CD40: variants seen among roughly 807,000 people sequenced by gnomAD.
CD40 encodes the protein tumor necrosis factor receptor superfamily member 5.
A neutral mutation model predicts 38.5 loss-of-function variants in CD40; 19 were observed. The observed-to-expected ratio is 0.49, with a 90% confidence interval of 0.34 to 0.72. The LOEUF (loss-of-function observed/expected upper bound fraction) is 0.72, where lower values mean the gene tolerates loss of function less well. Ranked by LOEUF, CD40 falls within the 30% of genes least tolerant of loss-of-function variation. CD40 has a pLI of 0.01. For missense variants in CD40, 256 were observed against 344.1 expected (o/e 0.74, Z 2.03); for synonymous variants, 130 against 128.7 (o/e 1.01, Z -0.07).
chr20:46,128,150 G>A lies in CD40; in HGVS notation c.572G>A (p.Arg191Gln), dbSNP rs781521147. The A allele has an allele frequency of 2.5e-6, 4 of 1,613,830 alleles. No homozygotes were observed. Among genetic ancestry groups the A allele is most frequent in the Non-Finnish European group, 1.7e-6 (2 of 1,179,904 alleles). Residue 191 changes from arginine to glutamine, a missense_variant, in exon 7 of 9, where the codon CGG becomes CAG. By Grantham distance (43) the Arg-to-Gln change is conservative (BLOSUM62 1). Transcript: ENST00000372285. ...KTDVVCGPQD[R>Q]LRALVVIPII... Reference sequence around the variant, plus strand: ...CTGATTTCTCCAGGTCCCCAGGATCGGCTGAGAGCCCTGGTGGTGATCCCC... The same window carrying A: ...CTGATTTCTCCAGGTCCCCAGGATCAGCTGAGAGCCCTGGTGGTGATCCCC...
intron 5 of CD40, 32 bp from the exon 6 acceptor site, chr20:46,126,608 G>T: frequency 6.2e-7 from 1 of 1,613,776 alleles, no homozygotes; most frequent in Non-Finnish European, 8.5e-7. Flanking sequence ...CTTTCTCTGT[G>T]TGTGTGCATT....
rs4813000 is a variant in CD40, at chr20:46,128,269, A to C, written c.646+45A>C. 16,730 of 1,586,572 alleles carry C rather than the reference A, an allele frequency of 0.011. 518 individuals carry two copies. In the Admixed American group the frequency reaches 0.12, roughly 11 times the overall value. The stretch of plus-strand genomic sequence containing the variant: ...GGTGTTGGGGGAGGGAGGGGAGACC[A>C]CCTGTTTCTTATCTGGCCTCTCCAA... On this transcript the variant is annotated intron_variant, in intron 7 of 8. Coordinates refer to ENST00000372285, the MANE Select transcript of CD40 (RefSeq NM_001250.6).
At chr20:46,118,474 G>T in intron 1 of CD40, 80 bp downstream of exon 1, 1 of 1,295,740 alleles carries the variant, frequency 7.7e-7, no homozygotes, top group South Asian at 1.2e-5. Flanking sequence ...TCGGGGAAGA[G>T]GCCTTCCTGG....
At position 46,128,071 on chromosome 20, in the gene CD40, C is replaced by A. The variant is rs552221532; in HGVS notation, c.560-67C>A. Reference sequence around the variant, plus strand: ...TGGAAGATTCTGGAGTCTGACAAGTCACAGCAGGTTGAGGGTAGGGAGAAA... The same window carrying A: ...TGGAAGATTCTGGAGTCTGACAAGTAACAGCAGGTTGAGGGTAGGGAGAAA... On this transcript the variant is annotated intron_variant, in intron 6 of 8. Coordinates refer to ENST00000372285, the MANE Select transcript of CD40 (RefSeq NM_001250.6). The A allele has an allele frequency of 1.9e-5, 31 of 1,613,630 alleles. No individual in the cohort carries two copies. In the African/African-American group the frequency reaches 3.7e-4, roughly 19 times the overall value.
intron 1 of CD40, among the ~76,000 whole-genome samples, chr20:46,119,610 A>C (rs2085279026): frequency 6.6e-6 from 1 of 152,172 alleles, no homozygotes; most frequent in Non-Finnish European, 1.5e-5. Flanking sequence ...CTGGGCTGTG[A>C]CAACAATGTC....
chr20:46,121,066 AAAAAT>A (rs2085308509), intron 1 of CD40, among the ~76,000 whole-genome samples: 1 of 152,258 alleles, frequency 6.6e-6, no homozygotes, highest in Admixed American at 6.5e-5. Flanking sequence ...CTCTGTCTCA[AAAAAT>A]AAAATAAAAG....
At chr20:46,128,737 C>A in intron 8 of CD40, 145 bp from the exon 9 acceptor site, 1 of 825,680 alleles carries the variant, frequency 1.2e-6, no homozygotes, top group Non-Finnish European at 2.0e-6. Context: ...CAGCAGGGGG[C>A]AGGAGGCACC....
In CD40 at chr20:46,122,444, T is replaced by A. The variant is rs1182133417; in HGVS notation, c.256+86T>A. ...CCATTCTAATTTTATGTAGCCAGGG[T>A]CTGCTCTGATTGGTTGGAGTCCGGG... On this transcript the variant is annotated intron_variant, in intron 3 of 8. Transcript: ENST00000372285. The surrounding 1 kb of genome is among the most constrained non-coding windows in gnomAD (Gnocchi z 5.0). 9 of 1,596,556 alleles carry A rather than the reference T, an allele frequency of 5.6e-6. No homozygotes were observed. The South Asian group carries it at 9.9e-5, about 18-fold the overall frequency.
intron 1 of CD40, among the ~76,000 whole-genome samples, chr20:46,120,125 C>T (rs1022891302): frequency 5.3e-5 from 8 of 152,112 alleles, no homozygotes; most frequent in South Asian, 2.1e-4. Flanking sequence ...GAATGAGAGC[C>T]ACCAGTTAGG....
Position 46,129,128 on chromosome 20 carries a change from G to T in CD40, c.*88G>T. ...GCTGCTGCTGCTGTGGCGTGAGGGT[G>T]AGGGGCTGGCACTGACTGGGCATAG... On this transcript the variant is annotated 3_prime_UTR_variant, in exon 9 of 9. Coordinates refer to ENST00000372285, the MANE Select transcript of CD40 (RefSeq NM_001250.6). 6.7e-7 allele frequency: 1 copy of T among 1,488,912 alleles called. No homozygotes were observed. 92.2% of individuals were successfully genotyped at this position (1,488,912 alleles called of 1,614,324 possible). A position where few individuals can be genotyped will look rare whatever the true frequency, so the allele number is the denominator to read the frequency against.
At position 46,123,179 on chromosome 20, in the gene CD40, A is replaced by G. The variant is rs2085353847; in HGVS notation, c.457A>G (p.Asn153Asp). ...CEPCPVGFFS[N>D]VSSAFEKCHP... ...GCCCTGCCCAGTCGGCTTCTTCTCCAATGTGTCATCTGCTTTCGAAAAATG... is the reference window on the plus strand; with the variant it reads ...GCCCTGCCCAGTCGGCTTCTTCTCCGATGTGTCATCTGCTTTCGAAAAATG... Residue 153 changes from asparagine (N) to aspartate (D), a missense_variant, in exon 5 of 9, where the codon AAT (asparagine) becomes GAT (aspartate). Transcript: ENST00000372285. 6.2e-7 allele frequency: 1 copy of G among 1,614,170 alleles called. No homozygotes were observed. The highest frequency in any genetic ancestry group is 1.3e-5 in the African/African-American group (1 of 75,036).
At position 46,128,967 on chromosome 20, in the gene CD40, CTT is replaced by C. The variant is rs767094199; in HGVS notation, c.763_764del (p.Leu255ThrfsTer51). On this transcript the variant is annotated frameshift_variant, in exon 9 of 9. Coordinates refer to ENST00000372285, the MANE Select transcript of CD40 (RefSeq NM_001250.6). LOFTEE classifies it high-confidence loss of function. ...AACACTGCTGCTCCAGTGCAGGAGA[CTT>C]TACATGGATGCCAACCGGTCACCCA... 6.2e-7 allele frequency: 1 copy of C among 1,614,078 alleles called. No individual in the cohort carries two copies. The highest frequency in any genetic ancestry group is 1.3e-5 in the African/African-American group (1 of 74,926).
chr20:46,121,788 G>A (rs2085322393), intron 1 of CD40, 32 bp from the exon 2 acceptor site: 1 of 1,555,354 alleles, frequency 6.4e-7, no homozygotes, highest in Non-Finnish European at 8.9e-7. Context: ...GAGATTTCAA[G>A]ATCCCTTCAA....
intron 1 of CD40, among the ~76,000 whole-genome samples, chr20:46,119,335 A>G (rs2085273217): frequency 6.6e-6 from 1 of 152,216 alleles, no homozygotes; most frequent in Non-Finnish European, 1.5e-5. Context: ...GGAATGACCC[A>G]TGGTATCAAG....
chr20:46,122,713 C>T lies in CD40; in HGVS notation c.360C>T (p.Val120=). Residue 120 remains valine, a synonymous_variant, in exon 4 of 9, where the codon GTC becomes GTT. Coordinates refer to ENST00000372285, the MANE Select transcript of CD40 (RefSeq NM_001250.6). This position sits in a 1 kb window ranked among gnomAD's most constrained non-coding sequence, Gnocchi z 5.0. ...CGAGTGAGGCCTGTGAGAGCTGTGTCCTGCACCGCTCATGCTCGCCCGGCT... is the reference window on the plus strand; with the variant it reads ...CGAGTGAGGCCTGTGAGAGCTGTGTTCTGCACCGCTCATGCTCGCCCGGCT... ...HCTSEACESC[V]LHRSCSPGFG... 8.1e-6 allele frequency: 13 copies of T among 1,614,128 alleles called. No individual in the cohort carries two copies. Among genetic ancestry groups the T allele is most frequent in the South Asian group, 1.1e-5 (1 of 91,076 alleles).
At chr20:46,121,625 T>C (rs560041780) in intron 1 of CD40, 195 bp from the exon 2 acceptor site, 2 of 649,718 alleles carry the variant, frequency 3.1e-6, no homozygotes, top group South Asian at 1.7e-5. Context: ...AGAATGATTC[T>C]CTGGGTGCGA....
chr20:46,125,709 A>G (rs745437011), intron 5 of CD40, among the ~76,000 whole-genome samples: 3 of 151,548 alleles, frequency 2.0e-5, no homozygotes, highest in Admixed American at 6.6e-5. Flanking sequence ...TCTCATATCT[A>G]TATGTTTGCT....
Position 46,122,468 on chromosome 20 carries a change from G to C in CD40, c.256+110G>C. 6.4e-7 allele frequency: 1 copy of C among 1,570,728 alleles called. No homozygotes were observed. The highest frequency in any genetic ancestry group is 1.7e-5 in the Admixed American group (1 of 59,832). ...GTCTGCTCTGATTGGTTGGAGTCCG[G>C]GCTGTACTGATCATTAAATGATTTG... On this transcript the variant is annotated intron_variant, in intron 3 of 8. Transcript: ENST00000372285. This position sits in a 1 kb window ranked among gnomAD's most constrained non-coding sequence, Gnocchi z 5.0.
intron 5 of CD40, 102 bp downstream of exon 5, chr20:46,123,321 C>A: frequency 1.1e-6 from 1 of 904,512 alleles, no homozygotes; most frequent in Non-Finnish European, 1.9e-6. Flanking sequence ...GAGGTCCACA[C>A]ACACTCATGT....
Sources: allele counts gnomAD v4.1 joint callset (sites outside exome capture counted in the v4.1 genomes callset), GRCh38; gene constraint gnomAD v4.1.1; non-coding constraint Gnocchi (gnomAD v3.1); transcripts MANE v1.5; gene names NCBI Gene and HGNC (gene_info 2026-07-23, HGNC 2026-07-21).